The following IL11 variants were observed in gnomAD, a reference collection of about 807,000 sequenced individuals.
The protein encoded by IL11 is interleukin 11.
IL11 carries 17 observed loss-of-function variants against 18.1 expected under a neutral mutation model. The ratio of observed to expected loss-of-function variants is 0.94; its 90% CI spans 0.64 to 1.41. IL11 has a LOEUF of 1.41. IL11 is among the 40% of genes most tolerant of loss of function. The probability of loss-of-function intolerance (pLI) is 0.00; values close to 1 mark genes in which losing one functional copy is unlikely to be tolerated. For missense variants in IL11, 309 were observed against 262.8 expected (o/e 1.18, Z -1.22); for synonymous variants, 144 against 134.1 (o/e 1.07, Z -0.51).
At position 55,370,307 on chromosome 19, in the gene IL11, T is replaced by G; in HGVS notation, c.4A>C (p.Asn2His). ...CCCTCCCCATGAACCAACTTACAGT[T>G]CATGTCCCCACAGGGCCAGGGGTTC... M[N>H]CVCRLVLVVL... Residue 2 changes from asparagine to histidine, a missense_variant, in exon 1 of 5, where the codon AAC becomes CAC. Asn to His is a moderately conservative substitution (Grantham distance 68). Transcript: ENST00000264563. 6.8e-7 allele frequency: 1 copy of G among 1,476,172 alleles called. No homozygotes were observed. The allele number at this position is 1,476,172 out of a possible 1,614,324, so 91.4% of individuals were successfully genotyped here. A position where few individuals can be genotyped will look rare whatever the true frequency, so the allele number is the denominator to read the frequency against.
At position 55,369,379 on chromosome 19, in the gene IL11, C is replaced by CG. The variant is rs2089807364; in HGVS notation, c.8-439_8-438insC. 6.5e-6 allele frequency: 1 copy of CG among 154,442 alleles called. No individual in the cohort carries two copies. The highest frequency in any genetic ancestry group is 2.4e-5 in the African/African-American group (1 of 41,544). The allele number at this position is 154,442 out of a possible 1,614,324, so 9.6% of individuals were successfully genotyped here. On this transcript the variant is annotated intron_variant, in intron 1 of 4. Transcript: ENST00000264563. This position sits in a 1 kb window ranked among gnomAD's most constrained non-coding sequence, Gnocchi z 6.1. ...CCGGGGCGGGGCATGGTGGGGGAGG[C>CG]ACAGGCCAGAACCTGCCCCCTCCCC...
In IL11 at chr19:55,368,291, G is replaced by A. The variant is rs190697063; in HGVS notation, c.348C>T (p.Gly116=). Residue 116 remains glycine (G), a synonymous_variant, in exon 4 of 5, where the codon GGC becomes GGT. Coordinates refer to ENST00000264563, the MANE Select transcript of IL11 (RefSeq NM_000641.4). ...CGGGCTCCAGGGTCTTCAGGGAAGA[G>A]CCACCTGCCCGGCGCAGCCACTGCA... ...RHVQWLRRAG[G]SSLKTLEPEL... The A allele has an allele frequency of 2.1e-4, 337 of 1,570,302 alleles. 2 individuals are homozygous for A. In the East Asian group the frequency reaches 7.8e-3, roughly 36 times the overall value.
In IL11 at chr19:55,365,630, A is replaced by T; in HGVS notation, c.*377T>A. The T allele has an allele frequency of 4.7e-6, 1 of 214,578 alleles. No homozygotes were observed. The highest frequency in any genetic ancestry group is 9.2e-6 in the Non-Finnish European group (1 of 108,554). 13.3% of individuals were successfully genotyped at this position (214,578 alleles called of 1,614,324 possible). A position where few individuals can be genotyped will look rare whatever the true frequency, so the allele number is the denominator to read the frequency against. ...TTCTCACATTTTTGTACAAAAACCC[A>T]GGCTTCCCTTTCCCCTCCGTCCCCA... is the stretch of plus-strand genomic sequence containing the variant. On this transcript the variant is annotated 3_prime_UTR_variant, in exon 5 of 5. Transcript: ENST00000264563.
chr19:55,364,625 T>G lies in IL11; in HGVS notation c.*1382A>C, dbSNP rs970876074. On this transcript the variant is annotated 3_prime_UTR_variant, in exon 5 of 5. Transcript: ENST00000264563. Reference sequence around the variant, plus strand: ...AATTGGGATCACAGCATGCAGTGGTTTTGTAGCCTGCTGTTTCATGTCAGG... The same window carrying G: ...AATTGGGATCACAGCATGCAGTGGTGTTGTAGCCTGCTGTTTCATGTCAGG... The G allele has an allele frequency of 6.6e-6, 1 of 152,148 alleles. No individual in the cohort carries two copies. The highest frequency in any genetic ancestry group is 1.9e-4 in the East Asian group (1 of 5,192). The allele number at this position is 152,148 out of a possible 1,614,324, so 9.4% of individuals were successfully genotyped here. A position where few individuals can be genotyped will look rare whatever the true frequency, so the allele number is the denominator to read the frequency against.
At position 55,370,287 on chromosome 19, in the gene IL11, C is replaced by A; in HGVS notation, c.7+17G>T. ...CTGCCTCCCTGTCCCCTCCACCCTC[C>A]CCATGAACCAACTTACAGTTCATGT... On this transcript the variant is annotated intron_variant, in intron 1 of 4. Transcript: ENST00000264563. 1 of 1,490,238 alleles carries A rather than the reference C, an allele frequency of 6.7e-7. No individual in the cohort carries two copies. The highest frequency in any genetic ancestry group is 9.0e-7 in the Non-Finnish European group (1 of 1,110,530). 92.3% of individuals were successfully genotyped at this position (1,490,238 alleles called of 1,614,324 possible).
chr19:55,367,106 T>C (rs1464373000), intron 4 of IL11, among the ~76,000 whole-genome samples: 2 of 152,088 alleles, frequency 1.3e-5, no homozygotes, highest in African/African-American at 4.8e-5. Context: ...GAGCTAGAAG[T>C]TGGAATTTGA....
Position 55,365,169 on chromosome 19 carries a change from GTC to G in IL11, c.*836_*837del, listed in dbSNP as rs1311416273. On this transcript the variant is annotated 3_prime_UTR_variant, in exon 5 of 5. Coordinates refer to ENST00000264563, the MANE Select transcript of IL11 (RefSeq NM_000641.4). ...AGCCTGGCCAACATGGTGAAACCCT[GTC>G]TCTACTAAAAATACAAAAGAAATAA... 2 of 152,254 alleles carry G rather than the reference GTC, an allele frequency of 1.3e-5. No homozygotes were observed. Among genetic ancestry groups the G allele is most frequent in the Admixed American group, 1.3e-4 (2 of 15,276 alleles). The allele number at this position is 152,254 out of a possible 1,614,324, so 9.4% of individuals were successfully genotyped here.
At position 55,366,074 on chromosome 19, in the gene IL11, AG is replaced by A; in HGVS notation, c.532del (p.Leu178TrpfsTer6). 1 of 1,597,002 alleles carries A rather than the reference AG, an allele frequency of 6.3e-7. No individual in the cohort carries two copies. Among genetic ancestry groups the A allele is most frequent in the Non-Finnish European group, 8.5e-7 (1 of 1,173,108 alleles). On this transcript the variant is annotated frameshift_variant, in exon 5 of 5. Coordinates refer to ENST00000264563, the MANE Select transcript of IL11 (RefSeq NM_000641.4). LOFTEE classifies it high-confidence loss of function. This position sits in a 1 kb window ranked among gnomAD's most constrained non-coding sequence, Gnocchi z 4.6. ...WGGIRAAHAI[L>X]GGLHLTLDWA... ...GTCAAGTGTCAGGTGCAGCCCCCCC[AG>A]GATGGCGTGGGCGGCCCTGATGCCC...
chr19:55,365,719 A>C lies in IL11; in HGVS notation c.*288T>G. On this transcript the variant is annotated 3_prime_UTR_variant, in exon 5 of 5. Transcript: ENST00000264563. ...TGTTCCTGCCCAGGCCTAGATGGGGAAGAGCCAGGGCAGAAGTCTGTGGAC... is the reference window on the plus strand; with the variant it reads ...TGTTCCTGCCCAGGCCTAGATGGGGCAGAGCCAGGGCAGAAGTCTGTGGAC... 1 of 445,554 alleles carries C rather than the reference A, an allele frequency of 2.2e-6. No homozygotes were observed. Among genetic ancestry groups the C allele is most frequent in the East Asian group, 4.6e-5 (1 of 21,704 alleles). 27.6% of individuals were successfully genotyped at this position (445,554 alleles called of 1,614,324 possible).
intron 4 of IL11, among the ~76,000 whole-genome samples, chr19:55,367,601 C>T (rs899666476): frequency 6.6e-6 from 1 of 151,942 alleles, no homozygotes; most frequent in Admixed American, 6.6e-5. Context: ...GCTGGGATTA[C>T]AGGCATGCAC....
chr19:55,370,258 C>A (rs572258728), intron 1 of IL11, 46 bp downstream of exon 1: 1 of 1,428,856 alleles, frequency 7.0e-7, no homozygotes, highest in Non-Finnish European at 9.6e-7. Flanking sequence ...GGTCCCTCTC[C>A]TCCCTGCCTC....
chr19:55,368,678 C>A (rs2089801873), intron 2 of IL11, 91 bp downstream of exon 2: 1 of 1,491,968 alleles, frequency 6.7e-7, no homozygotes, highest in South Asian at 1.3e-5. Context: ...CACCTGAGAG[C>A]CCAGAACCCC....
chr19:55,366,160 C>A lies in IL11; in HGVS notation c.447G>T (p.Leu149=). ...CCGGCGGGTCCGGGGGTGGCTGGGG[C>A]AGGGCCAGGCGGGACATCTGTGGGG... is the stretch of plus-strand genomic sequence containing the variant. ...RLQLLMSRLA[L]PQPPPDPPAP... Residue 149 remains leucine, a synonymous_variant, in exon 5 of 5, where the codon CTG becomes CTT. Transcript: ENST00000264563. The surrounding 1 kb of genome is among the most constrained non-coding windows in gnomAD (Gnocchi z 4.6). The A allele has an allele frequency of 6.7e-7, 1 of 1,494,848 alleles. No individual in the cohort carries two copies. Among genetic ancestry groups the A allele is most frequent in the Non-Finnish European group, 8.9e-7 (1 of 1,118,116 alleles). 92.6% of individuals were successfully genotyped at this position (1,494,848 alleles called of 1,614,324 possible). A position where few individuals can be genotyped will look rare whatever the true frequency, so the allele number is the denominator to read the frequency against.
At position 55,369,631 on chromosome 19, in the gene IL11, G is replaced by GAGC. The variant is rs1401538883; in HGVS notation, c.7+672_7+673insGCT. On this transcript the variant is annotated intron_variant, in intron 1 of 4. Coordinates refer to ENST00000264563, the MANE Select transcript of IL11 (RefSeq NM_000641.4). This position sits in a 1 kb window ranked among gnomAD's most constrained non-coding sequence, Gnocchi z 6.1. ...GGAGAGCTGGCGGCGGGGGGCGCGG[G>GAGC]GGGCGCGGGGGGCGCGGGGGTCCGG... is the stretch of plus-strand genomic sequence containing the variant. Among the ~76,000 whole-genome samples the GAGC allele has an allele frequency of 7.7e-5, 7 of 90,846 alleles. No homozygotes were observed. Among genetic ancestry groups the GAGC allele is most frequent in the African/African-American group, 2.2e-4 (2 of 8,974 alleles). The allele number at this position is 90,846 out of a possible 152,430, so 59.6% of individuals were successfully genotyped here. A position where few individuals can be genotyped will look rare whatever the true frequency, so the allele number is the denominator to read the frequency against.
At chr19:55,370,222 C>A (rs2089814037) in intron 1 of IL11, 82 bp downstream of exon 1, 1 of 1,064,724 alleles carries the variant, frequency 9.4e-7, no homozygotes, top group Admixed American at 2.0e-5. Flanking sequence ...TGCGACTCAG[C>A]GGGGTCTGCT....
chr19:55,366,122 G>C lies in IL11; in HGVS notation c.485C>G (p.Ala162Gly). The change falls in exon 5 of 5, where the codon GCG becomes GGG. Residue 162 changes from alanine (A) to glycine (G), a missense_variant. Physicochemically the swap from Ala to Gly is moderately conservative, Grantham distance 60 (BLOSUM62 0). Transcript: ENST00000264563. This position sits in a 1 kb window ranked among gnomAD's most constrained non-coding sequence, Gnocchi z 4.6. ...PPPDPPAPPLAPPSSAWGGIR... is the reference protein window; with the variant it reads ...PPPDPPAPPLGPPSSAWGGIR... The stretch of plus-strand genomic sequence containing the variant: ...GCCCCCCCAGGCTGAGGAGGGGGGC[G>C]CCAGCGGGGGCGCCGGCGGGTCCGG... The C allele has an allele frequency of 1.3e-6, 2 of 1,535,808 alleles. No homozygotes were observed. Among genetic ancestry groups the C allele is most frequent in the Non-Finnish European group, 1.8e-6 (2 of 1,140,718 alleles).
Position 55,369,007 on chromosome 19 carries a change from T to C in IL11, c.8-66A>G, listed in dbSNP as rs1429353011. ...GGTCTGAGAGAGGAGGGCCTGGGCC[T>C]GGACTCCCGGGTCTGAGGGAGGAGG... On this transcript the variant is annotated intron_variant, in intron 1 of 4. Transcript: ENST00000264563. This position sits in a 1 kb window ranked among gnomAD's most constrained non-coding sequence, Gnocchi z 6.1. The C allele has an allele frequency of 1.5e-5, 21 of 1,391,594 alleles. No homozygotes were observed. The highest frequency in any genetic ancestry group is 2.6e-5 in the East Asian group (1 of 39,046). 86.2% of individuals were successfully genotyped at this position (1,391,594 alleles called of 1,614,324 possible).
chr19:55,367,473 T>A (rs1218491423), intron 4 of IL11, among the ~76,000 whole-genome samples: 1 of 146,090 alleles, frequency 6.8e-6, no homozygotes, highest in African/African-American at 2.6e-5. Flanking sequence ...TTTTTTTTTT[T>A]GAGAGAGAGG....
intron 1 of IL11, 144 bp downstream of exon 1, chr19:55,370,160 T>C (rs2089813788): frequency 2.9e-6 from 2 of 699,030 alleles, no homozygotes; most frequent in South Asian, 1.6e-5. Context: ...CGCCGCCTCC[T>C]GTCTCCGAAG....
Sources: gnomAD v4.1 joint callset for allele counts (sites outside exome capture counted in the v4.1 genomes callset) on GRCh38, gnomAD v4.1.1 for gene constraint, Gnocchi (gnomAD v3.1) non-coding constraint, MANE v1.5 for transcripts, NCBI Gene and HGNC (gene_info 2026-07-23, HGNC 2026-07-21) for gene names.